Variants in IFI16 observed in about 807,000 individuals in gnomAD.
IFI16 encodes the protein interferon gamma inducible protein 16, also known as gamma-interferon-inducible protein 16.
IFI16 carries 49 observed loss-of-function variants against 68.4 expected under a neutral mutation model. The ratio of observed to expected loss-of-function variants is 0.72; its 90% CI spans 0.57 to 0.91. The LOEUF is 0.91. Among genes scored for constraint, IFI16 ranks in the 40% least tolerant of loss-of-function variants. The pLI is 0.00. For missense variants in IFI16, 878 were observed against 942.9 expected (o/e 0.93, Z 0.90); for synonymous variants, 307 against 315.0 (o/e 0.97, Z 0.27).
At chr1:159,035,859 A>G (rs1772408) in intron 7 of IFI16, among the ~76,000 whole-genome samples, 109,587 of 151,902 alleles carry the variant, frequency 0.72, 41,187 homozygotes, top group Admixed American at 0.83. Flanking sequence ...AAAAAATTAC[A>G]TAGTGATTTA....
intron 1 of IFI16, among the ~76,000 whole-genome samples, chr1:159,010,807 AT>A (rs771695365): frequency 2.7e-5 from 4 of 150,518 alleles, no homozygotes; most frequent in African/African-American, 9.7e-5. Flanking sequence ...AAAGTTAATG[AT>A]TTTTTTTTTC....
At chr1:159,008,181 T>G (rs1330049392), upstream of IFI16, among the ~76,000 whole-genome samples, 2 of 152,200 alleles carry the variant, frequency 1.3e-5, no homozygotes, top group Non-Finnish European at 2.9e-5. Context: ...AATAGGTACA[T>G]AATTGAGAGA....
intron 6 of IFI16, among the ~76,000 whole-genome samples, chr1:159,025,684 C>G (rs1653625115): frequency 6.6e-6 from 1 of 152,146 alleles, no homozygotes; most frequent in African/African-American, 2.4e-5. Flanking sequence ...AATTAAGTTC[C>G]ATCTATTCAT....
At chr1:159,043,114 A>T (rs2518556) in intron 7 of IFI16, among the ~76,000 whole-genome samples, 8 of 151,968 alleles carry the variant, frequency 5.3e-5, no homozygotes, top group South Asian at 2.1e-4. Context: ...TTAGACAGTC[A>T]TTTTTTTGGT....
chr1:159,018,202 T>C, intron 4 of IFI16, 27 bp from the exon 5 acceptor site: 1 of 1,588,586 alleles, frequency 6.3e-7, no homozygotes, highest in Middle Eastern at 1.7e-4. Context: ...GACATTTTTC[T>C]TTGTTCTCCT....
intron 1 of IFI16, among the ~76,000 whole-genome samples, chr1:159,011,507 ACATATATGTG>A (rs1220913268): frequency 1.3e-5 from 2 of 152,066 alleles, no homozygotes; most frequent in African/African-American, 4.8e-5. Context: ...ACAGGTACAC[ACATATATGTG>A]TGTAGTGATG....
chr1:159,017,684 T>G (rs1402943897), intron 4 of IFI16, among the ~76,000 whole-genome samples: 4 of 152,096 alleles, frequency 2.6e-5, no homozygotes, highest in African/African-American at 9.7e-5. Context: ...CTCGGCTCAC[T>G]GCAGCCTCCA....
chr1:159,021,608 G>A (rs1198190485), intron 6 of IFI16, among the ~76,000 whole-genome samples: 1 of 152,110 alleles, frequency 6.6e-6, no homozygotes, highest in African/African-American at 2.4e-5. Context: ...TTTCCTCTGG[G>A]TAGATACCCA....
chr1:159,028,269 ACT>A (rs1653790498), intron 6 of IFI16, among the ~76,000 whole-genome samples: 1 of 152,152 alleles, frequency 6.6e-6, no homozygotes, highest in Non-Finnish European at 1.5e-5. Flanking sequence ...TTCATTATTG[ACT>A]CTATGATCAT....
upstream of IFI16, among the ~76,000 whole-genome samples, chr1:159,001,503 GTATT>G (rs1652059751): frequency 6.6e-6 from 1 of 152,124 alleles, no homozygotes; most frequent in African/African-American, 2.4e-5. Context: ...AAAATTGAAA[GTATT>G]TATAAAGTAT....
rs1324495193 is a variant in IFI16 at position 159,032,700 on chromosome 1, T to C, written c.1329+9T>C. ...GCAGTTTCTTCACCAAGGTACAATT[T>C]CCTGGGTCCCATGCCTCATGTCTCC... is the stretch of plus-strand genomic sequence containing the variant. On this transcript the variant is annotated intron_variant, in intron 7 of 11. Coordinates refer to ENST00000295809, the MANE Select transcript of IFI16 (RefSeq NM_001376587.1). The C allele has an allele frequency of 6.3e-7, 1 of 1,578,864 alleles. No individual in the cohort carries two copies. Among genetic ancestry groups the C allele is most frequent in the Non-Finnish European group, 8.6e-7 (1 of 1,166,034 alleles).
In IFI16 at chr1:159,018,290, C is replaced by T; in HGVS notation, c.611C>T (p.Pro204Leu). 1.2e-6 allele frequency: 2 copies of T among 1,614,058 alleles called. No homozygotes were observed. The highest frequency in any genetic ancestry group is 1.7e-6 in the Non-Finnish European group (2 of 1,179,966). The change falls in exon 5 of 12, where the codon CCA becomes CTA. Residue 204 changes from proline (P) to leucine (L), a missense_variant. Transcript: ENST00000295809. ...TPRRNVLQKR[P>L]VIVKVLSTTK... ...AGAAGAAATGTTCTCCAAAAACGCC[C>T]AGTGATAGTGAAGGTACTGAGTACA...
At chr1:159,042,534 T>G (rs2101901187) in intron 7 of IFI16, among the ~76,000 whole-genome samples, 1 of 152,330 alleles carries the variant, frequency 6.6e-6, no homozygotes, top group South Asian at 2.1e-4. Flanking sequence ...TGATGTCAAT[T>G]TTTTCCATCT....
intron 3 of IFI16, among the ~76,000 whole-genome samples, chr1:159,016,297 C>T (rs1487176648): frequency 6.6e-6 from 1 of 152,194 alleles, no homozygotes; most frequent in African/African-American, 2.4e-5. Flanking sequence ...AATCCCAAGT[C>T]AGCACATCCC....
In IFI16 at chr1:159,018,316, A is replaced by T. The variant is rs1483228232; in HGVS notation, c.637A>T (p.Thr213Ser). 1.9e-6 allele frequency: 3 copies of T among 1,613,998 alleles called. No individual in the cohort carries two copies. Among genetic ancestry groups the T allele is most frequent in the Non-Finnish European group, 2.5e-6 (3 of 1,179,942 alleles). Residue 213 changes from threonine to serine, a missense_variant, in exon 5 of 12, where the codon ACA becomes TCA. By Grantham distance (58) the Thr-to-Ser change is moderately conservative. This residue lies in a region of IFI16 where 443 missense variants were observed against 421.8 expected (regional missense o/e 1.05). Coordinates refer to ENST00000295809, the MANE Select transcript of IFI16 (RefSeq NM_001376587.1). ...RPVIVKVLST[T>S]KPFEYETPEM... The stretch of plus-strand genomic sequence containing the variant: ...AGTGATAGTGAAGGTACTGAGTACA[A>T]CAAAGCCATTTGAATATGAGACCCC...
At chr1:159,047,413 T>A (rs578151085) in intron 8 of IFI16, among the ~76,000 whole-genome samples, 2 of 147,506 alleles carry the variant, frequency 1.4e-5, no homozygotes, top group Admixed American at 1.4e-4. Context: ...CCATGTGTAG[T>A]CATGAAAATC....
intron 6 of IFI16, among the ~76,000 whole-genome samples, chr1:159,029,549 GA>G (rs1231154862): frequency 6.6e-6 from 1 of 152,106 alleles, no homozygotes; most frequent in African/African-American, 2.4e-5. Flanking sequence ...GAAAGCCAGG[GA>G]AGTTTTCCTC....
In IFI16 at chr1:159,018,601, C is replaced by T. The variant is rs751992785; in HGVS notation, c.922C>T (p.His308Tyr). The change falls in exon 5 of 12, where the codon CAC becomes TAC. Residue 308 changes from histidine to tyrosine, a missense_variant. Physicochemically the swap from His to Tyr is moderately conservative, Grantham distance 83. Transcript: ENST00000295809. Reference protein sequence around the residue: ...AKETLKIDILHKQASGNIVYG... With the variant: ...AKETLKIDILYKQASGNIVYG... ...GGAAACTCTGAAGATTGATATTCTT[C>T]ACAAACAAGCTTCAGGAAATATTGT... The T allele has an allele frequency of 2.8e-5, 45 of 1,613,374 alleles. No homozygotes were observed. The East Asian group carries it at 9.4e-4, about 34-fold the overall frequency.
intron 6 of IFI16, among the ~76,000 whole-genome samples, chr1:159,023,781 G>A (rs1653483581): frequency 6.6e-6 from 1 of 152,160 alleles, no homozygotes; most frequent in African/African-American, 2.4e-5. Context: ...GTGGACTGAT[G>A]GGCAAGCTCT....
Sources: gnomAD v4.1 joint callset for allele counts (sites outside exome capture counted in the v4.1 genomes callset) on GRCh38, gnomAD v4.1.1 for gene constraint, gnomAD v4.1.1 regional missense constraint, MANE v1.5 for transcripts, NCBI Gene and HGNC (gene_info 2026-07-23, HGNC 2026-07-21) for gene names.